The following SPAG17 variants were observed in gnomAD, a reference collection of about 807,000 sequenced individuals.
SPAG17 encodes the protein sperm-associated antigen 17.
In SPAG17, 169 loss-of-function variants were observed where a neutral mutation model predicts 273.6. That is an observed-to-expected ratio of 0.62 (90% CI 0.55 to 0.70). The LOEUF is 0.70. Ranked by LOEUF, SPAG17 falls within the 30% of genes least tolerant of loss-of-function variation. The pLI, the probability that SPAG17 is intolerant of heterozygous loss-of-function variation, is 0.00. For missense variants in SPAG17, 2,557 were observed against 2,627.8 expected (o/e 0.97, Z 0.59); for synonymous variants, 825 against 873.2 (o/e 0.94, Z 0.97).
intron 25 of SPAG17, among the ~76,000 whole-genome samples, chr1:118,031,049 C>A (rs1042426320): frequency 5.9e-5 from 9 of 152,084 alleles, no homozygotes; most frequent in African/African-American, 4.8e-5. Flanking sequence ...CTAATGTACA[C>A]TCCCACCAAC....
chr1:118,064,686 T>C (rs1024289282), intron 18 of SPAG17, among the ~76,000 whole-genome samples: 5 of 150,542 alleles, frequency 3.3e-5, no homozygotes, highest in Non-Finnish European at 5.9e-5. Context: ...TGTATACATA[T>C]GTAACAAACC....
chr1:118,001,482 T>A (rs1031988156), intron 32 of SPAG17, among the ~76,000 whole-genome samples: 4 of 152,188 alleles, frequency 2.6e-5, no homozygotes, highest in African/African-American at 9.6e-5. Context: ...CTATTAATTA[T>A]TGCCTCAATT....
At chr1:118,094,640 G>C (rs1655594410) in intron 7 of SPAG17, among the ~76,000 whole-genome samples, 1 of 152,110 alleles carries the variant, frequency 6.6e-6, no homozygotes, top group South Asian at 2.1e-4. Flanking sequence ...GCTTCTACTA[G>C]GGGTAGATTA....
chr1:118,044,634 T>A (rs1050752496), intron 20 of SPAG17, among the ~76,000 whole-genome samples: 1 of 152,202 alleles, frequency 6.6e-6, no homozygotes, highest in Non-Finnish European at 1.5e-5. Context: ...TCAAATCTCA[T>A]GTGGAACTGT....
At chr1:118,005,128 T>C (rs745911737) in intron 32 of SPAG17, among the ~76,000 whole-genome samples, 1 of 152,246 alleles carries the variant, frequency 6.6e-6, no homozygotes, top group Non-Finnish European at 1.5e-5. Flanking sequence ...TATGTTGGCA[T>C]TATTTTCAGA....
At chr1:118,066,120 C>G (rs1039831014) in intron 18 of SPAG17, among the ~76,000 whole-genome samples, 4 of 152,042 alleles carry the variant, frequency 2.6e-5, no homozygotes, top group Admixed American at 2.6e-4. Context: ...TAAGTCCATT[C>G]TGTAAATCTT....
In SPAG17 at chr1:118,097,613, A is replaced by G; in HGVS notation, c.1011+57T>C. The G allele has an allele frequency of 2.9e-6, 4 of 1,380,694 alleles. 1 individual carries two copies. In the Admixed American group the frequency reaches 7.7e-5, roughly 27 times the overall value. 85.5% of individuals were successfully genotyped at this position (1,380,694 alleles called of 1,614,324 possible). A position where few individuals can be genotyped will look rare whatever the true frequency, so the allele number is the denominator to read the frequency against. On this transcript the variant is annotated intron_variant, in intron 7 of 48. Coordinates refer to ENST00000336338, the MANE Select transcript of SPAG17 (RefSeq NM_206996.4). ...TCTATGTGATGAATAAATGGAGCAA[A>G]TAGAACCACTGTGTCACATGTTAAA...
chr1:118,059,633 G>A (rs771446377), intron 18 of SPAG17, among the ~76,000 whole-genome samples: 27 of 151,820 alleles, frequency 1.8e-4, no homozygotes, highest in Non-Finnish European at 3.4e-4. Flanking sequence ...ATTTACAATT[G>A]GTCTATCTCC....
chr1:118,048,876 A>G (rs1442031505), intron 20 of SPAG17, among the ~76,000 whole-genome samples: 2 of 152,236 alleles, frequency 1.3e-5, no homozygotes, highest in Non-Finnish European at 2.9e-5. Flanking sequence ...AGCCTGGGCG[A>G]CAGAGCGAGA....
At position 118,185,200 on chromosome 1, in the gene SPAG17, C is replaced by G; in HGVS notation, c.-43G>C. The G allele has an allele frequency of 6.5e-7, 1 of 1,527,780 alleles. No homozygotes were observed. Among genetic ancestry groups the G allele is most frequent in the South Asian group, 1.1e-5 (1 of 89,282 alleles). 94.6% of individuals were successfully genotyped at this position (1,527,780 alleles called of 1,614,324 possible). ...CATTGGCCTCTAAACTGGGCGCAGG[C>G]CCTGCCTAAGCGTCCCCGCTACCAC... On this transcript the variant is annotated 5_prime_UTR_variant, in exon 1 of 49. Transcript: ENST00000336338.
intron 3 of SPAG17, among the ~76,000 whole-genome samples, chr1:118,130,308 G>A (rs1328638382): frequency 6.6e-6 from 1 of 151,790 alleles, no homozygotes; most frequent in Non-Finnish European, 1.5e-5. Flanking sequence ...GGGTTACCTG[G>A]GATCTACCCC....
chr1:117,991,775 G>A (rs72631713), intron 36 of SPAG17, among the ~76,000 whole-genome samples: 9,122 of 152,190 alleles, frequency 0.06, 518 homozygotes, highest in East Asian at 0.31. Flanking sequence ...CCTCAGAGAG[G>A]CCCTGTTTCT....
chr1:117,970,139 T>G lies in SPAG17; in HGVS notation c.6327-23A>C, dbSNP rs771668046. 3 of 1,603,874 alleles carry G rather than the reference T, an allele frequency of 1.9e-6. No individual in the cohort carries two copies. In the South Asian group the frequency reaches 3.4e-5, roughly 18 times the overall value. ...AACCTACAAGGCAGAAAGATAAAAA[T>G]AAATTTATGACATAATGAAACCCAT... On this transcript the variant is annotated intron_variant, in intron 45 of 48. Coordinates refer to ENST00000336338, the MANE Select transcript of SPAG17 (RefSeq NM_206996.4).
At chr1:118,054,899 T>C (rs1236786988) in intron 19 of SPAG17, among the ~76,000 whole-genome samples, 2 of 152,082 alleles carry the variant, frequency 1.3e-5, no homozygotes, top group African/African-American at 2.4e-5. Flanking sequence ...TGGTAATTGA[T>C]AGAGGTTGCC....
chr1:117,981,987 T>C (rs1412683417), intron 42 of SPAG17, among the ~76,000 whole-genome samples: 1 of 152,144 alleles, frequency 6.6e-6, no homozygotes, highest in Non-Finnish European at 1.5e-5. Context: ...GCAGTCTCAC[T>C]CCATTTCAAG....
chr1:118,148,453 C>T (rs888397188), intron 3 of SPAG17, among the ~76,000 whole-genome samples: 1 of 152,176 alleles, frequency 6.6e-6, no homozygotes, highest in Non-Finnish European at 1.5e-5. Context: ...TGGCCCTGCC[C>T]ACATCCTGCT....
At chr1:117,992,255 A>G (rs1657179215) in intron 36 of SPAG17, among the ~76,000 whole-genome samples, 1 of 152,110 alleles carries the variant, frequency 6.6e-6, no homozygotes, top group African/African-American at 2.4e-5. Flanking sequence ...TACTTTTTCA[A>G]TGTCTTTGGG....
intron 20 of SPAG17, among the ~76,000 whole-genome samples, chr1:118,043,274 G>A (rs749188826): frequency 5.3e-5 from 8 of 152,114 alleles, no homozygotes; most frequent in Non-Finnish European, 8.8e-5. Flanking sequence ...GAAGAAAGAC[G>A]TTCATCCTAA....
At chr1:118,032,370 G>T (rs552010553) in intron 24 of SPAG17, among the ~76,000 whole-genome samples, 1 of 152,166 alleles carries the variant, frequency 6.6e-6, no homozygotes, top group South Asian at 2.1e-4. Context: ...ACTTGTATGT[G>T]ATACACTTGC....
Sources: gnomAD v4.1 joint callset for allele counts (sites outside exome capture counted in the v4.1 genomes callset) on GRCh38, gnomAD v4.1.1 for gene constraint, MANE v1.5 for transcripts, NCBI Gene and HGNC (gene_info 2026-07-23, HGNC 2026-07-21) for gene names.